Variants in MIPOL1 observed in about 807,000 individuals in gnomAD.
The protein encoded by MIPOL1 is mirror-image polydactyly 1, also known as mirror-image polydactyly gene 1 protein.
Under a neutral mutation model 60.9 loss-of-function variants are expected in MIPOL1, and 57 were observed. That is an observed-to-expected ratio of 0.94 (90% confidence interval 0.76 to 1.17). The LOEUF (loss-of-function observed/expected upper bound fraction) is 1.17, where lower values mean the gene tolerates loss of function less well. Among genes scored for constraint, MIPOL1 ranks in the 50% most tolerant of loss-of-function variants. The pLI, the probability that MIPOL1 is intolerant of heterozygous loss-of-function variation, is 0.00. For missense variants in MIPOL1, 551 were observed against 511.6 expected (o/e 1.08, Z -0.74); for synonymous variants, 179 against 168.8 (o/e 1.06, Z -0.47).
chr14:37,455,200 AGT>A (rs1161232484), intron 11 of MIPOL1, among the ~76,000 whole-genome samples: 2 of 152,226 alleles, frequency 1.3e-5, no homozygotes, highest in Non-Finnish European at 2.9e-5. Flanking sequence ...AATTACTATG[AGT>A]CAACAAATTG....
chr14:37,393,960 C>CCATTCCTGA (rs1244765656), intron 10 of MIPOL1, among the ~76,000 whole-genome samples: 1 of 148,986 alleles, frequency 6.7e-6, no homozygotes, highest in Admixed American at 6.8e-5. Flanking sequence ...GTTTGGCTTT[C>CCATTCCTGA]CATTCCTGAG....
intron 11 of MIPOL1, among the ~76,000 whole-genome samples, chr14:37,459,990 A>G (rs1265370967): frequency 6.6e-6 from 1 of 152,036 alleles, no homozygotes; most frequent in East Asian, 1.9e-4. Context: ...GAGGCAAGAG[A>G]ATTGCTTGAA....
intron 7 of MIPOL1, among the ~76,000 whole-genome samples, chr14:37,289,159 G>A (rs2084838908): frequency 6.6e-6 from 1 of 152,184 alleles, no homozygotes; most frequent in African/African-American, 2.4e-5. Flanking sequence ...ATCCCTGGGT[G>A]TGTCAGTGGA....
chr14:37,495,058 C>A (rs1956433), intron 11 of MIPOL1, among the ~76,000 whole-genome samples: 116,587 of 151,078 alleles, frequency 0.77, 45,462 homozygotes, highest in African/African-American at 0.89. Context: ...TCATAATTTT[C>A]ATAATGGTGA....
intron 1 of MIPOL1, among the ~76,000 whole-genome samples, chr14:37,243,720 G>T (rs1404866108): frequency 6.6e-6 from 1 of 152,090 alleles, no homozygotes; most frequent in African/African-American, 2.4e-5. Flanking sequence ...TATTTAAAAT[G>T]TTTTTTAAAA....
chr14:37,446,688 T>G, intron 11 of MIPOL1, among the ~76,000 whole-genome samples: 1 of 152,278 alleles, frequency 6.6e-6, no homozygotes, highest in African/African-American at 2.4e-5. Context: ...TGTCCAACAA[T>G]GATAGACTGG....
intron 3 of MIPOL1, among the ~76,000 whole-genome samples, chr14:37,255,953 T>C (rs1374687915): frequency 1.3e-5 from 2 of 151,838 alleles, no homozygotes; most frequent in African/African-American, 4.8e-5. Flanking sequence ...GGATTTGTAT[T>C]GATAAAATTA....
At chr14:37,390,458 G>A (rs1391687288) in intron 10 of MIPOL1, among the ~76,000 whole-genome samples, 3 of 151,804 alleles carry the variant, frequency 2.0e-5, no homozygotes, top group Non-Finnish European at 2.9e-5. Context: ...AGAAATACAC[G>A]TTGTATAAAC....
At chr14:37,214,882 T>C (rs762550256) in intron 1 of MIPOL1, among the ~76,000 whole-genome samples, 1 of 151,866 alleles carries the variant, frequency 6.6e-6, no homozygotes, top group Non-Finnish European at 1.5e-5. Flanking sequence ...AAAGGGAGTC[T>C]CCCTTTCCCT....
chr14:37,431,944 G>A (rs146346052), intron 11 of MIPOL1, among the ~76,000 whole-genome samples: 1 of 152,026 alleles, frequency 6.6e-6, no homozygotes, highest in Non-Finnish European at 1.5e-5. Flanking sequence ...ATTCATATTT[G>A]TGTCACTGGT....
chr14:37,362,103 A>G (rs760812670), intron 9 of MIPOL1, among the ~76,000 whole-genome samples: 4 of 152,064 alleles, frequency 2.6e-5, no homozygotes, highest in Non-Finnish European at 5.9e-5. Flanking sequence ...CATTTAGCTC[A>G]TTTACATTTA....
intron 10 of MIPOL1, among the ~76,000 whole-genome samples, chr14:37,374,611 A>G (rs1295471319): frequency 6.6e-6 from 1 of 152,214 alleles, no homozygotes; most frequent in Non-Finnish European, 1.5e-5. Context: ...ATGGCTAGCC[A>G]GTTTTCCCAA....
At chr14:37,430,967 A>G (rs1595743737) in intron 11 of MIPOL1, among the ~76,000 whole-genome samples, 1 of 152,316 alleles carries the variant, frequency 6.6e-6, no homozygotes, top group Non-Finnish European at 1.5e-5. Context: ...TATAGCTCTC[A>G]ACTGCTAATT....
intron 9 of MIPOL1, among the ~76,000 whole-genome samples, chr14:37,365,395 T>A (rs1001343852): frequency 3.3e-5 from 5 of 152,146 alleles, no homozygotes; most frequent in African/African-American, 9.7e-5. Context: ...TATACCCAAT[T>A]TTTTGAGTGT....
intron 11 of MIPOL1, among the ~76,000 whole-genome samples, chr14:37,480,927 C>G (rs1220582739): frequency 6.6e-6 from 1 of 152,022 alleles, no homozygotes; most frequent in Non-Finnish European, 1.5e-5. Context: ...TCACATGAAG[C>G]CAGGAGTTCA....
intron 7 of MIPOL1, among the ~76,000 whole-genome samples, chr14:37,304,562 T>G (rs2086627706): frequency 6.6e-6 from 1 of 151,712 alleles, no homozygotes; most frequent in South Asian, 2.1e-4. Context: ...AATTTTCTGA[T>G]TAGAATAAAA....
intron 9 of MIPOL1, among the ~76,000 whole-genome samples, chr14:37,367,906 C>G (rs1472818056): frequency 6.6e-6 from 1 of 151,998 alleles, no homozygotes; most frequent in Non-Finnish European, 1.5e-5. Flanking sequence ...GATTTGATTG[C>G]ATTCTGACCA....
intron 11 of MIPOL1, among the ~76,000 whole-genome samples, chr14:37,434,233 CG>C (rs1398692602): frequency 6.6e-6 from 1 of 152,084 alleles, no homozygotes; most frequent in African/African-American, 2.4e-5. Context: ...TTCTAACTGG[CG>C]TGAGATGGTA....
intron 10 of MIPOL1, among the ~76,000 whole-genome samples, chr14:37,382,013 A>G (rs1391158835): frequency 3.3e-5 from 5 of 152,040 alleles, no homozygotes; most frequent in Non-Finnish European, 7.4e-5. Context: ...GTTGATTTTT[A>G]TATTAGGATG....
Sources: gnomAD v4.1 joint callset for allele counts (sites outside exome capture counted in the v4.1 genomes callset) on GRCh38, gnomAD v4.1.1 for gene constraint, MANE v1.5 for transcripts, NCBI Gene and HGNC (gene_info 2026-07-23, HGNC 2026-07-21) for gene names.